Variants in DSCAML1 observed in about 807,000 individuals in gnomAD.
DSCAML1 encodes cell adhesion molecule DSCAML1.
In DSCAML1, 38 loss-of-function variants were observed where a neutral mutation model predicts 200.5. The observed-to-expected ratio is 0.19, with a 90% CI of 0.15 to 0.25. The LOEUF (loss-of-function observed/expected upper bound fraction) is 0.25. DSCAML1 is among the 10% of genes least tolerant of loss of function. The pLI, the probability that DSCAML1 is intolerant of heterozygous loss-of-function variation, is 1.00. For missense variants in DSCAML1, 2,223 were observed against 2,858.8 expected, an observed-to-expected ratio of 0.78 and a Z score of 5.07; for synonymous variants, 1,215 against 1,165.0, an observed-to-expected ratio of 1.04 and a Z score of -0.87.
At position 117,635,205 on chromosome 11, in the gene DSCAML1, T is replaced by C. The variant is rs375659003; in HGVS notation, c.512-102683A>G. ...TTTGATGTTCTGCAGCGGCACACAA[T>C]CAAATTCAGTTTGATGCACAGAAGT... On this transcript the variant is annotated intron_variant, in intron 3 of 32. Coordinates refer to ENST00000651296, the MANE Select transcript of DSCAML1 (RefSeq NM_020693.4). 2.7e-3 allele frequency among the ~76,000 whole-genome samples: 404 copies of C among 152,228 alleles called. 3 individuals are homozygous for C. The highest frequency in any genetic ancestry group is 9.1e-3 in the African/African-American group (378 of 41,482).
intron 3 of DSCAML1, among the ~76,000 whole-genome samples, chr11:117,637,984 G>T (rs1170183631): frequency 2.6e-5 from 4 of 152,156 alleles, no homozygotes; most frequent in Non-Finnish European, 4.4e-5. Flanking sequence ...ATGGTGAGGG[G>T]ACCCCACTCC....
chr11:117,541,174 T>G (rs1008209749), intron 3 of DSCAML1, among the ~76,000 whole-genome samples: 2 of 152,246 alleles, frequency 1.3e-5, no homozygotes, highest in African/African-American at 4.8e-5. Flanking sequence ...GAAATGCTTT[T>G]TCCTTGACTT....
chr11:117,530,656 A>G (rs529419337), intron 4 of DSCAML1, among the ~76,000 whole-genome samples: 1 of 152,048 alleles, frequency 6.6e-6, no homozygotes, highest in Non-Finnish European at 1.5e-5. Context: ...CCAGCTCCTG[A>G]TCTCCTGGCC....
At chr11:117,556,249 C>G (rs928809649) in intron 3 of DSCAML1, among the ~76,000 whole-genome samples, 1 of 152,150 alleles carries the variant, frequency 6.6e-6, no homozygotes, top group Non-Finnish European at 1.5e-5. Context: ...TCAGTTCTGG[C>G]TGGAGCTGAG....
rs1475600305 is a variant in DSCAML1 at position 117,428,811 on chromosome 11, C to T, written c.5687-8G>A. 16 of 1,586,456 alleles carry T rather than the reference C, an allele frequency of 1.0e-5. No homozygotes were observed. The highest frequency in any genetic ancestry group is 1.3e-5 in the African/African-American group (1 of 74,626). On this transcript the variant is annotated splice_polypyrimidine_tract_variant and splice_region_variant and intron_variant, in intron 32 of 32. Transcript: ENST00000651296. The stretch of plus-strand genomic sequence containing the variant: ...GCAGGTTGCAGTAGTCACCTGGAAT[C>T]ACAGAGGCAGAGGATGTTACAGAGA...
intron 3 of DSCAML1, among the ~76,000 whole-genome samples, chr11:117,639,430 AGCTGGATGGGTGGGAG>A (rs373747623): frequency 8.0e-5 from 7 of 87,000 alleles, no homozygotes; most frequent in Admixed American, 1.2e-4. Flanking sequence ...ATGGATGGGA[AGCTGGATGGGTGGGAG>A]GCTGGATGGG....
At chr11:117,549,302 C>T (rs2050430619) in intron 3 of DSCAML1, among the ~76,000 whole-genome samples, 1 of 152,230 alleles carries the variant, frequency 6.6e-6, no homozygotes, top group African/African-American at 2.4e-5. Context: ...TTGGTAAAGG[C>T]CCGGCGCATG....
At chr11:117,804,453 T>C (rs2055692336) in intron 1 of DSCAML1, among the ~76,000 whole-genome samples, 1 of 152,228 alleles carries the variant, frequency 6.6e-6, no homozygotes, top group South Asian at 2.1e-4. Flanking sequence ...CAAATCTGCC[T>C]TAGCTTTCTG....
At chr11:117,493,254 G>C (rs1759315005) in intron 11 of DSCAML1, among the ~76,000 whole-genome samples, 1 of 152,112 alleles carries the variant, frequency 6.6e-6, no homozygotes, top group South Asian at 2.1e-4. Flanking sequence ...AAGAGTAGAC[G>C]CGCAGGACGG....
At chr11:117,581,118 G>T (rs575607852) in intron 3 of DSCAML1, among the ~76,000 whole-genome samples, 3 of 152,234 alleles carry the variant, frequency 2.0e-5, no homozygotes, top group Non-Finnish European at 2.9e-5. Flanking sequence ...CCTTTGAGGA[G>T]CACTGTGGCC....
At chr11:117,693,971 G>A (rs1245428464) in intron 3 of DSCAML1, among the ~76,000 whole-genome samples, 4 of 151,618 alleles carry the variant, frequency 2.6e-5, no homozygotes, top group South Asian at 2.1e-4. Context: ...TATTTTGAAT[G>A]TACAAGCAGG....
At chr11:117,802,117 G>A (rs2055665271), upstream of DSCAML1, 1 of 152,254 alleles carries the variant, frequency 6.6e-6, no homozygotes, top group Admixed American at 6.5e-5. Context: ...CATTTCTTCT[G>A]GCCCATGTGT....
At chr11:117,636,120 G>A (rs993683297) in intron 3 of DSCAML1, among the ~76,000 whole-genome samples, 5 of 152,196 alleles carry the variant, frequency 3.3e-5, no homozygotes, top group African/African-American at 1.2e-4. Context: ...CCTGGCTGGT[G>A]AGGCGGGGGT....
Position 117,438,954 on chromosome 11 carries a change from A to G in DSCAML1, c.4174T>C (p.Ser1392Pro), listed in dbSNP as rs761091565. The G allele has an allele frequency of 6.2e-7, 1 of 1,609,118 alleles. No homozygotes were observed. The highest frequency in any genetic ancestry group is 8.5e-7 in the Non-Finnish European group (1 of 1,178,210). Reference protein sequence around the residue: ...VPPDQPRLTVSKTSASSITLT... With the variant: ...VPPDQPRLTVPKTSASSITLT... ...GTGATGGACGAAGCTGAGGTTTTGG[A>G]GACAGTGAGGCGGGGCTGGTCCGGG... The change falls in exon 24 of 33, where the codon TCC becomes CCC. Residue 1392 changes from serine to proline, a missense_variant. Coordinates refer to ENST00000651296, the MANE Select transcript of DSCAML1 (RefSeq NM_020693.4).
chr11:117,645,268 T>G (rs544890116), intron 3 of DSCAML1, among the ~76,000 whole-genome samples: 1 of 151,830 alleles, frequency 6.6e-6, no homozygotes, highest in East Asian at 1.9e-4. Context: ...AGAAAGGGGG[T>G]TTCTTGGGGT....
At chr11:117,442,574 G>A (rs575851844) in intron 21 of DSCAML1, among the ~76,000 whole-genome samples, 20 of 152,202 alleles carry the variant, frequency 1.3e-4, no homozygotes, top group African/African-American at 4.6e-4. Context: ...CTCACAGGGC[G>A]GCTGTGAGGT....
chr11:117,448,241 C>A (rs2048218351), intron 20 of DSCAML1, among the ~76,000 whole-genome samples: 1 of 152,202 alleles, frequency 6.6e-6, no homozygotes, highest in Non-Finnish European at 1.5e-5. Context: ...GAGGAAATGA[C>A]TGCAAAAGTC....
chr11:117,438,149 G>T, intron 24 of DSCAML1, 66 bp from the exon 25 acceptor site: 1 of 1,491,734 alleles, frequency 6.7e-7, no homozygotes. Flanking sequence ...CCCAGCCTCA[G>T]GTACCCCAAC....
At chr11:117,804,541 A>G (rs1330450041) in intron 1 of DSCAML1, among the ~76,000 whole-genome samples, 1 of 152,074 alleles carries the variant, frequency 6.6e-6, no homozygotes, top group Non-Finnish European at 1.5e-5. Flanking sequence ...AGGCCCCCAC[A>G]CCTTCCTTTT....
Sources: gnomAD v4.1 joint callset for allele counts (sites outside exome capture counted in the v4.1 genomes callset) on GRCh38, gnomAD v4.1.1 for gene constraint, MANE v1.5 for transcripts, NCBI Gene and HGNC (gene_info 2026-07-23, HGNC 2026-07-21) for gene names.